Variants in CACNA1E observed in about 807,000 individuals in gnomAD.
The protein encoded by CACNA1E is calcium voltage-gated channel subunit alpha1 E, also known as voltage-dependent R-type calcium channel subunit alpha-1E.
CACNA1E carries 40 observed loss-of-function variants against 259.2 expected under a neutral mutation model. The observed-to-expected ratio is 0.15, with a 90% CI of 0.12 to 0.20. CACNA1E has a LOEUF of 0.20. Among genes scored for constraint, CACNA1E ranks in the 10% least tolerant of loss-of-function variants. The pLI, the probability that CACNA1E is intolerant of heterozygous loss-of-function variation, is 1.00. For synonymous variants in CACNA1E, 1,104 were observed against 1,138.5 expected, an observed-to-expected ratio of 0.97 and a Z score of 0.61; for missense variants, 1,874 against 3,040.1, an observed-to-expected ratio of 0.62 and a Z score of 9.02.
intron 1 of CACNA1E, among the ~76,000 whole-genome samples, chr1:181,346,620 C>G (rs1204409454): frequency 6.6e-6 from 1 of 152,198 alleles, no homozygotes; most frequent in Non-Finnish European, 1.5e-5. Context: ...GGTTCCATTC[C>G]CTTAGGACCC....
intron 6 of CACNA1E, among the ~76,000 whole-genome samples, chr1:181,616,243 T>C (rs775265532): frequency 3.3e-5 from 5 of 152,380 alleles, no homozygotes; most frequent in African/African-American, 1.2e-4. Flanking sequence ...CTTTTTCTAC[T>C]CTTTGGAAGA....
At chr1:181,759,881 C>T (rs1658424995) in intron 32 of CACNA1E, among the ~76,000 whole-genome samples, 2 of 152,060 alleles carry the variant, frequency 1.3e-5, no homozygotes, top group Admixed American at 1.3e-4. Context: ...CTTTTGGTCT[C>T]CCAGCGGTTC....
At chr1:181,458,847 A>ATCCATCCATCCG (rs1378186954) in intron 2 of CACNA1E, among the ~76,000 whole-genome samples, 3 of 148,634 alleles carry the variant, frequency 2.0e-5, no homozygotes, top group African/African-American at 7.9e-5. Context: ...CCATCCATCC[A>ATCCATCCATCCG]TCCATCCATC....
chr1:181,549,412 G>A (rs1207053115), intron 3 of CACNA1E, among the ~76,000 whole-genome samples: 1 of 152,208 alleles, frequency 6.6e-6, no homozygotes, highest in African/African-American at 2.4e-5. Context: ...ATTTGCTTCT[G>A]TTTCTGAATA....
At chr1:181,459,369 T>C (rs1490262207) in intron 2 of CACNA1E, among the ~76,000 whole-genome samples, 1 of 152,228 alleles carries the variant, frequency 6.6e-6, no homozygotes, top group African/African-American at 2.4e-5. Flanking sequence ...TTTACACATG[T>C]TCAGGTAGGG....
chr1:181,749,260 T>C (rs1420685240), intron 25 of CACNA1E, among the ~76,000 whole-genome samples: 1 of 152,226 alleles, frequency 6.6e-6, no homozygotes, highest in East Asian at 1.9e-4. Context: ...GCCTGAATTA[T>C]GAGCACTTCT....
intron 42 of CACNA1E, 41 bp from the exon 43 acceptor site, chr1:181,785,672 T>C: frequency 1.5e-6 from 2 of 1,322,012 alleles, no homozygotes; most frequent in Non-Finnish European, 1.1e-6. Context: ...AACTCCGTAG[T>C]CATTGGAATT....
At chr1:181,662,728 A>AT (rs1431834374) in intron 7 of CACNA1E, among the ~76,000 whole-genome samples, 2 of 152,144 alleles carry the variant, frequency 1.3e-5, no homozygotes, top group Non-Finnish European at 2.9e-5. Context: ...GGAAAGAGCC[A>AT]TTCTTACCTA....
intron 38 of CACNA1E, 77 bp from the exon 39 acceptor site, chr1:181,781,350 C>T: frequency 1.4e-6 from 1 of 725,136 alleles, no homozygotes; most frequent in East Asian, 2.7e-5. Context: ...TCCTTCTCCC[C>T]ACTTCCTTCT....
chr1:181,794,402 C>G (rs1661603422), intron 45 of CACNA1E, among the ~76,000 whole-genome samples: 2 of 152,102 alleles, frequency 1.3e-5, no homozygotes, highest in Non-Finnish European at 2.9e-5. Context: ...CTCTCCTAGG[C>G]TCTAGTGCTG....
chr1:181,463,128 T>C (rs2479684), intron 2 of CACNA1E, among the ~76,000 whole-genome samples: 151,267 of 152,270 alleles, frequency 0.99, 75,142 homozygotes, highest in Middle Eastern at 1. Context: ...GTGGATAGTA[T>C]CAAATCTTAT....
At chr1:181,770,159 T>C (rs1659379511) in intron 35 of CACNA1E, among the ~76,000 whole-genome samples, 1 of 152,228 alleles carries the variant, frequency 6.6e-6, no homozygotes, top group South Asian at 2.1e-4. Context: ...GGGGAAAATG[T>C]GTTCCATTTA....
At chr1:181,429,961 G>A (rs896165531) in intron 2 of CACNA1E, among the ~76,000 whole-genome samples, 4 of 152,206 alleles carry the variant, frequency 2.6e-5, no homozygotes, top group Admixed American at 6.5e-5. Flanking sequence ...TGCTCATGGG[G>A]CCTGCCCAGC....
At chr1:181,699,941 A>T (rs1347676642) in intron 7 of CACNA1E, among the ~76,000 whole-genome samples, 10 of 152,142 alleles carry the variant, frequency 6.6e-5, no homozygotes, top group Non-Finnish European at 1.5e-4. Context: ...CAAGTAGCTG[A>T]TGTCAAGTTG....
intron 38 of CACNA1E, among the ~76,000 whole-genome samples, chr1:181,777,422 G>A (rs911326894): frequency 6.6e-6 from 1 of 152,222 alleles, no homozygotes; most frequent in Non-Finnish European, 1.5e-5. Flanking sequence ...TTGGGTCACT[G>A]TTTTACAGAC....
At chr1:181,683,836 T>C (rs1049483558) in intron 7 of CACNA1E, among the ~76,000 whole-genome samples, 1 of 152,216 alleles carries the variant, frequency 6.6e-6, no homozygotes, top group African/African-American at 2.4e-5. Flanking sequence ...TGCAGTCCAC[T>C]GTTGATGGGC....
intron 6 of CACNA1E, among the ~76,000 whole-genome samples, chr1:181,642,427 T>C (rs1657875564): frequency 6.6e-6 from 1 of 152,150 alleles, no homozygotes; most frequent in South Asian, 2.1e-4. Context: ...GAGGGACTGG[T>C]TGAAGAGCGG....
At chr1:181,348,836 G>A (rs966464392) in intron 1 of CACNA1E, among the ~76,000 whole-genome samples, 2 of 152,184 alleles carry the variant, frequency 1.3e-5, no homozygotes, top group Non-Finnish European at 2.9e-5. Flanking sequence ...GAGCCTGTGG[G>A]GAGCAGCAGT....
intron 26 of CACNA1E, 79 bp downstream of exon 26, chr1:181,750,566 AG>A: frequency 2.2e-6 from 3 of 1,350,874 alleles, no homozygotes; most frequent in Non-Finnish European, 3.2e-6. Flanking sequence ...TTGGGAGGGG[AG>A]GGGCTCACGC....
Sources: gnomAD v4.1 joint callset for allele counts (sites outside exome capture counted in the v4.1 genomes callset) on GRCh38, gnomAD v4.1.1 for gene constraint, MANE v1.5 for transcripts, NCBI Gene and HGNC (gene_info 2026-07-23, HGNC 2026-07-21) for gene names.